The following CELSR3 variants were observed in gnomAD, a reference collection of about 807,000 sequenced individuals.
CELSR3 encodes the protein cadherin EGF LAG seven-pass G-type receptor 3.
Under a neutral mutation model 270.0 loss-of-function variants are expected in CELSR3, and 73 were observed. That is an observed-to-expected ratio of 0.27 (90% CI 0.22 to 0.33). CELSR3 has a LOEUF of 0.33. Ranked by LOEUF, CELSR3 falls within the 10% of genes least tolerant of loss-of-function variation. The pLI is 1.00. For synonymous variants in CELSR3, 1,780 were observed against 1,905.4 expected, an observed-to-expected ratio of 0.93 and a Z score of 1.71; for missense variants, 3,614 against 4,533.8, an observed-to-expected ratio of 0.80 and a Z score of 5.83.
In CELSR3 at chr3:48,644,246, C is replaced by T; in HGVS notation, c.8135G>A (p.Gly2712Glu). The T allele has an allele frequency of 4.3e-6, 7 of 1,613,110 alleles. No homozygotes were observed. Among genetic ancestry groups the T allele is most frequent in the Non-Finnish European group, 5.9e-6 (7 of 1,179,894 alleles). Reference sequence around the variant, plus strand: ...AGAGGTCTTCTTGGCCTCCCTCTGCCCTGTGGAGCAGGATGTGCGGGCAGC... The same window carrying T: ...AGAGGTCTTCTTGGCCTCCCTCTGCTCTGTGGAGCAGGATGTGCGGGCAGC... ...LLAARTSCST[G>E]QREAKKTSAL... is the part of the protein sequence containing the mutation. The change falls in exon 27 of 35, where the codon GGG (glycine) becomes GAG (glutamate). Residue 2712 changes from glycine to glutamate, a missense_variant. Coordinates refer to ENST00000164024, the MANE Select transcript of CELSR3 (RefSeq NM_001407.3). The surrounding 1 kb of genome is among the most constrained non-coding windows in gnomAD (Gnocchi z 4.8).
Position 48,658,978 on chromosome 3 carries a change from C to T in CELSR3, c.3657G>A (p.Leu1219=), listed in dbSNP as rs746479389. ...SFERGNELQL[L]VVNQTSGELR... ...GCTCCCCACTGGTCTGGTTGACTAC[C>T]AGCAGCTGCAGCTCATTGCCACGCT... The change falls in exon 1 of 35, where the codon CTG becomes CTA. Residue 1219 remains leucine, a synonymous_variant. Coordinates refer to ENST00000164024, the MANE Select transcript of CELSR3 (RefSeq NM_001407.3). The surrounding 1 kb of genome is among the most constrained non-coding windows in gnomAD (Gnocchi z 4.7). The T allele has an allele frequency of 1.4e-5, 22 of 1,614,088 alleles. No homozygotes were observed. Among genetic ancestry groups the T allele is most frequent in the Admixed American group, 1.0e-4 (6 of 59,992 alleles).
chr3:48,645,176 A>C lies in CELSR3; in HGVS notation c.7831T>G (p.Tyr2611Asp), dbSNP rs1208343829. Residue 2611 changes from tyrosine to aspartate, a missense_variant, in exon 25 of 35, where the codon TAC (tyrosine) becomes GAC (aspartate). Tyr to Asp is a radical substitution (Grantham distance 160, BLOSUM62 -3). Around this residue, in one of 7 missense-constraint regions of CELSR3, gnomAD observed 1,240 missense variants for 1,351.7 expected, o/e 0.92. Coordinates refer to ENST00000164024, the MANE Select transcript of CELSR3 (RefSeq NM_001407.3). This position sits in a 1 kb window ranked among gnomAD's most constrained non-coding sequence, Gnocchi z 5.4. ...CACGCGAAGGTGCTGAGGAAGAAGT[A>C]GTGCAGGAGGATGGCGACTGCAGTG... The part of the protein sequence containing the change: ...VCTAVAILLH[Y>D]FFLSTFAWLF... 1 of 1,588,452 alleles carries C rather than the reference A, an allele frequency of 6.3e-7. No homozygotes were observed. The highest frequency in any genetic ancestry group is 8.6e-7 in the Non-Finnish European group (1 of 1,161,286).
In CELSR3 at chr3:48,651,094, G is replaced by A. The variant is rs769598299; in HGVS notation, c.6187-19C>T. ...GGAACTCCTGTTTGAGGATGGGCCAGGGGCCTGAAGTCAGAGGTCAGGGCT... is the reference window on the plus strand; with the variant it reads ...GGAACTCCTGTTTGAGGATGGGCCAAGGGCCTGAAGTCAGAGGTCAGGGCT... On this transcript the variant is annotated intron_variant, in intron 14 of 34. Transcript: ENST00000164024. The surrounding 1 kb of genome is among the most constrained non-coding windows in gnomAD (Gnocchi z 7.4). The A allele has an allele frequency of 5.2e-6, 8 of 1,542,640 alleles. No homozygotes were observed. Among genetic ancestry groups the A allele is most frequent in the Non-Finnish European group, 7.0e-6 (8 of 1,145,562 alleles).
intron 2 of CELSR3, 146 bp from the exon 3 acceptor site, chr3:48,656,511 G>A (rs1359917328): frequency 8.9e-7 from 1 of 1,126,546 alleles, no homozygotes; most frequent in Non-Finnish European, 1.2e-6. Flanking sequence ...GTCTGGCCCC[G>A]CCCCCTCCCC....
rs572289492 is a variant in CELSR3 at position 48,643,456 on chromosome 3, A to G, written c.8289+98T>C. ...CAGCCTGGCAAAGTTATCCAGTAAG[A>G]GTCAGCTCCAGGCCTAGGGTCAACG... is the stretch of plus-strand genomic sequence containing the variant. On this transcript the variant is annotated intron_variant, in intron 28 of 34. Coordinates refer to ENST00000164024, the MANE Select transcript of CELSR3 (RefSeq NM_001407.3). 102 of 1,443,038 alleles carry G rather than the reference A, an allele frequency of 7.1e-5. No homozygotes were observed. The South Asian group carries it at 1.3e-3, about 18-fold the overall frequency. The allele number at this position is 1,443,038 out of a possible 1,614,324, so 89.4% of individuals were successfully genotyped here. A position where few individuals can be genotyped will look rare whatever the true frequency, so the allele number is the denominator to read the frequency against.
In CELSR3 at chr3:48,655,451, C is replaced by T. The variant is rs1212927913; in HGVS notation, c.4742-57G>A. The T allele has an allele frequency of 1.0e-5, 16 of 1,564,058 alleles. No individual in the cohort carries two copies. Among genetic ancestry groups the T allele is most frequent in the Middle Eastern group, 1.7e-4 (1 of 5,984 alleles). On this transcript the variant is annotated intron_variant, in intron 4 of 34. Coordinates refer to ENST00000164024, the MANE Select transcript of CELSR3 (RefSeq NM_001407.3). This position sits in a 1 kb window ranked among gnomAD's most constrained non-coding sequence, Gnocchi z 5.8. ...AGCAGCGGAGTCGCCCCATCCCACC[C>T]GTCATATAAGCACAACCATTCCCAG...
chr3:48,655,592 G>A lies in CELSR3; in HGVS notation c.4741+144C>T, dbSNP rs2047173441. ...CTTGGAGGGAGGGACCTTCCCACAG[G>A]GAATGGCCAAGGAGCTAGGTCTTCA... On this transcript the variant is annotated intron_variant, in intron 4 of 34. Coordinates refer to ENST00000164024, the MANE Select transcript of CELSR3 (RefSeq NM_001407.3). This position sits in a 1 kb window ranked among gnomAD's most constrained non-coding sequence, Gnocchi z 5.8. 3.4e-6 allele frequency: 3 copies of A among 882,466 alleles called. No homozygotes were observed. 54.7% of individuals were successfully genotyped at this position (882,466 alleles called of 1,614,324 possible). A position where few individuals can be genotyped will look rare whatever the true frequency, so the allele number is the denominator to read the frequency against.
In CELSR3 at chr3:48,650,460, C is replaced by T; in HGVS notation, c.6472+20G>A. The stretch of plus-strand genomic sequence containing the variant: ...GCCCACCCCCACCCTCAGTGATGTC[C>T]TTTCCCCCCACATACTCACCCAGGG... On this transcript the variant is annotated intron_variant, in intron 16 of 34. Coordinates refer to ENST00000164024, the MANE Select transcript of CELSR3 (RefSeq NM_001407.3). The surrounding 1 kb of genome is among the most constrained non-coding windows in gnomAD (Gnocchi z 5.1). 1 of 1,329,852 alleles carries T rather than the reference C, an allele frequency of 7.5e-7. No individual in the cohort carries two copies. The highest frequency in any genetic ancestry group is 1.0e-6 in the Non-Finnish European group (1 of 957,114). 82.4% of individuals were successfully genotyped at this position (1,329,852 alleles called of 1,614,324 possible).
At chr3:48,647,004 T>C (rs953160946) in intron 20 of CELSR3, 76 bp from the exon 21 acceptor site, 4 of 1,367,536 alleles carry the variant, frequency 2.9e-6, no homozygotes, top group Non-Finnish European at 3.9e-6. Flanking sequence ...CTGAACCCGA[T>C]CAAGCATGGG....
At position 48,639,983 on chromosome 3, in the gene CELSR3, C is replaced by T. The variant is rs115648137; in HGVS notation, c.9602G>A (p.Arg3201Gln). The T allele has an allele frequency of 1.7e-3, 2,757 of 1,612,660 alleles. 35 individuals carry two copies. In the African/African-American group the frequency reaches 0.031, roughly 18 times the overall value. ...GCTAGGCACCTGGTCCAGCTGCTCC[C>T]GAGAGTTCGAGCTCCTAGACAGAGA... Reference protein sequence around the residue: ...LDSLSRSSNSREQLDQVPSRH... With the variant: ...LDSLSRSSNSQEQLDQVPSRH... The change falls in exon 34 of 35, where the codon CGG becomes CAG. Residue 3201 changes from arginine (R) to glutamine (Q), a missense_variant. Physicochemically the swap from Arg to Gln is conservative, Grantham distance 43. Coordinates refer to ENST00000164024, the MANE Select transcript of CELSR3 (RefSeq NM_001407.3). This position sits in a 1 kb window ranked among gnomAD's most constrained non-coding sequence, Gnocchi z 4.1.
chr3:48,643,340 C>G (rs892745317), intron 28 of CELSR3: 68 of 697,636 alleles, frequency 9.7e-5, no homozygotes, highest in Non-Finnish European at 1.5e-4. Flanking sequence ...GATCCAAGAT[C>G]AGCACTCAGT....
In CELSR3 at chr3:48,651,267, AG is replaced by A; in HGVS notation, c.6186+91del. The A allele has an allele frequency of 6.4e-7, 1 of 1,555,420 alleles. No homozygotes were observed. The highest frequency in any genetic ancestry group is 8.8e-7 in the Non-Finnish European group (1 of 1,137,636). ...GGTCACAGGACACAGGCAAGAGGTTAGGGCCCAAGTCAGGTGGCGGAGGTCA... is the reference window on the plus strand; with the variant it reads ...GGTCACAGGACACAGGCAAGAGGTTAGGCCCAAGTCAGGTGGCGGAGGTCA... On this transcript the variant is annotated intron_variant, in intron 14 of 34. Transcript: ENST00000164024. This position sits in a 1 kb window ranked among gnomAD's most constrained non-coding sequence, Gnocchi z 7.4.
rs775336065 is a variant in CELSR3, at chr3:48,648,323, C to T, written c.6916G>A (p.Ala2306Thr). Residue 2306 changes from alanine (A) to threonine (T), a missense_variant, in exon 19 of 35, where the codon GCA becomes ACA. Physicochemically the swap from Ala to Thr is moderately conservative, Grantham distance 58 (BLOSUM62 0). Coordinates refer to ENST00000164024, the MANE Select transcript of CELSR3 (RefSeq NM_001407.3). ...AGGTATGTGAGTTCCATATTCCTTGCGAGTGTGGCTGCATACTCCTCCAGG... is the reference window on the plus strand; with the variant it reads ...AGGTATGTGAGTTCCATATTCCTTGTGAGTGTGGCTGCATACTCCTCCAGG... ...RHLEEYAATL[A>T]RNMELTYLNP... The T allele has an allele frequency of 7.0e-6, 11 of 1,573,462 alleles. No individual in the cohort carries two copies. Among genetic ancestry groups the T allele is most frequent in the Non-Finnish European group, 9.5e-6 (11 of 1,157,380 alleles).
Position 48,661,726 on chromosome 3 carries a change from T to G in CELSR3, c.909A>C (p.Glu303Asp), listed in dbSNP as rs777712692. Residue 303 changes from glutamate (E) to aspartate (D), a missense_variant, in exon 1 of 35, where the codon GAA (glutamate) becomes GAC (aspartate). Glu to Asp is a conservative substitution (Grantham distance 45). This residue lies in a region of CELSR3 where 470 missense variants were observed against 469.7 expected (regional missense o/e 1.00). Coordinates refer to ENST00000164024, the MANE Select transcript of CELSR3 (RefSeq NM_001407.3). The stretch of plus-strand genomic sequence containing the variant: ...GGTTCGCCGAGGTTACTTTCCTGGC[T>G]TCAGGACGGGCCGGGAGTCCCGGGG... ...PRPPGLPARP[E>D]ARKVTSANRA... is the part of the protein sequence containing the mutation. The G allele has an allele frequency of 3.8e-5, 60 of 1,579,174 alleles. No homozygotes were observed. The highest frequency in any genetic ancestry group is 4.9e-5 in the Non-Finnish European group (57 of 1,163,752).
Position 48,655,722 on chromosome 3 carries a change from T to G in CELSR3, c.4741+14A>C. 1 of 1,609,692 alleles carries G rather than the reference T, an allele frequency of 6.2e-7. No homozygotes were observed. Among genetic ancestry groups the G allele is most frequent in the South Asian group, 1.1e-5 (1 of 90,980 alleles). ...ACACACGCACCCTTTCGCCGTCACA[T>G]CCGGGGCACCCACCCGTGGAATATG... On this transcript the variant is annotated intron_variant, in intron 4 of 34. Coordinates refer to ENST00000164024, the MANE Select transcript of CELSR3 (RefSeq NM_001407.3). This position sits in a 1 kb window ranked among gnomAD's most constrained non-coding sequence, Gnocchi z 5.8.
rs1347447073 is a variant in CELSR3, at chr3:48,645,115, T to C, written c.7892A>G (p.Gln2631Arg). The C allele has an allele frequency of 1.2e-6, 2 of 1,605,848 alleles. No homozygotes were observed. Among genetic ancestry groups the C allele is most frequent in the South Asian group, 1.1e-5 (1 of 90,822 alleles). ...GCGGTCCACGTTGCGTGGCTCAACC[T>C]GCATGCGGTAGAGGTGCAGCCCCTG... Reference protein sequence around the residue: ...FVQGLHLYRMQVEPRNVDRGA... With the variant: ...FVQGLHLYRMRVEPRNVDRGA... Residue 2631 changes from glutamine to arginine, a missense_variant, in exon 25 of 35, where the codon CAG (glutamine) becomes CGG (arginine). Gln to Arg is a conservative substitution (Grantham distance 43). This residue lies in a region of CELSR3 where 1,240 missense variants were observed against 1,351.7 expected (regional missense o/e 0.92). Transcript: ENST00000164024. This position sits in a 1 kb window ranked among gnomAD's most constrained non-coding sequence, Gnocchi z 5.4.
Position 48,660,016 on chromosome 3 carries a change from C to A in CELSR3, c.2619G>T (p.Met873Ile). 2 of 1,614,216 alleles carry A rather than the reference C, an allele frequency of 1.2e-6. No individual in the cohort carries two copies. The highest frequency in any genetic ancestry group is 1.7e-6 in the Non-Finnish European group (2 of 1,180,042). Residue 873 changes from methionine (M) to isoleucine (I), a missense_variant, in exon 1 of 35, where the codon ATG becomes ATT. Physicochemically the swap from Met to Ile is conservative, Grantham distance 10. Around this residue, in one of 7 missense-constraint regions of CELSR3, gnomAD observed 215 missense variants for 241.2 expected, o/e 0.89. Coordinates refer to ENST00000164024, the MANE Select transcript of CELSR3 (RefSeq NM_001407.3). This position sits in a 1 kb window ranked among gnomAD's most constrained non-coding sequence, Gnocchi z 5.5. ...CACTGATGACCACTATGGTGCTACC[C>A]ATTGGCCGATCTTCATTCACACTCA... ...YSVSVNEDRPMGSTIVVISAS... is the reference protein window; with the variant it reads ...YSVSVNEDRPIGSTIVVISAS...
chr3:48,642,258 C>T lies in CELSR3; in HGVS notation c.8665+100G>A. 1 of 1,295,688 alleles carries T rather than the reference C, an allele frequency of 7.7e-7. No individual in the cohort carries two copies. Among genetic ancestry groups the T allele is most frequent in the Non-Finnish European group, 1.1e-6 (1 of 946,216 alleles). The allele number at this position is 1,295,688 out of a possible 1,614,324, so 80.3% of individuals were successfully genotyped here. A position where few individuals can be genotyped will look rare whatever the true frequency, so the allele number is the denominator to read the frequency against. ...AGGCAGGGACCCTGGGGGAGATCGT[C>T]CCACCCCAGTCAGCCACTGCTCCCA... On this transcript the variant is annotated intron_variant, in intron 31 of 34. Coordinates refer to ENST00000164024, the MANE Select transcript of CELSR3 (RefSeq NM_001407.3). The surrounding 1 kb of genome is among the most constrained non-coding windows in gnomAD (Gnocchi z 6.1).
Position 48,648,677 on chromosome 3 carries a change from G to T in CELSR3, c.6777+42C>A, listed in dbSNP as rs573934935. On this transcript the variant is annotated intron_variant, in intron 18 of 34. Transcript: ENST00000164024. The stretch of plus-strand genomic sequence containing the variant: ...GGGATCCAGGGGCAGGAGGCTGGGA[G>T]CTGGGGGGCCAAGGCACTGAGAACA... The T allele has an allele frequency of 5.7e-6, 9 of 1,587,486 alleles. No homozygotes were observed. The Admixed American group carries it at 1.0e-4, about 18-fold the overall frequency.
Sources: allele counts gnomAD v4.1 joint callset, GRCh38; gene constraint gnomAD v4.1.1; regional missense constraint gnomAD v4.1.1; non-coding constraint Gnocchi (gnomAD v3.1); transcripts MANE v1.5; gene names NCBI Gene and HGNC (gene_info 2026-07-23, HGNC 2026-07-21).